Variants in SNED1 observed in about 807,000 individuals in gnomAD.
SNED1 encodes sushi, nidogen and EGF like domains 1.
A neutral mutation model predicts 166.7 loss-of-function variants in SNED1; 81 were observed. That is an observed-to-expected ratio of 0.49 (90% CI 0.41 to 0.58). The LOEUF is 0.58. Ranked by LOEUF, SNED1 falls within the 20% of genes least tolerant of loss-of-function variation. SNED1 has a pLI of 0.00. For synonymous variants in SNED1, 762 were observed against 822.0 expected (o/e 0.93, Z 1.25); for missense variants, 1,604 against 2,000.2 (o/e 0.80, Z 3.78).
chr2:241,014,417 G>A (rs1361646185), intron 1 of SNED1, among the ~76,000 whole-genome samples: 3 of 152,238 alleles, frequency 2.0e-5, no homozygotes, highest in Non-Finnish European at 4.4e-5. Flanking sequence ...GATGTGCTGT[G>A]TGTGGATGCT....
chr2:241,048,796 G>C, intron 10 of SNED1, 30 bp downstream of exon 10: 1 of 1,534,166 alleles, frequency 6.5e-7, no homozygotes, highest in Non-Finnish European at 8.9e-7. Context: ...TTCCTGCCCT[G>C]TCCCTGAGCA....
At chr2:241,003,277 GC>G (rs2060129010) in intron 1 of SNED1, among the ~76,000 whole-genome samples, 1 of 152,180 alleles carries the variant, frequency 6.6e-6, no homozygotes, top group South Asian at 2.1e-4. Context: ...CCATCCTCAT[GC>G]CACCATTCTG....
chr2:240,998,153 C>T (rs927755684), upstream of SNED1, among the ~76,000 whole-genome samples: 2 of 152,264 alleles, frequency 1.3e-5, no homozygotes, highest in African/African-American at 2.4e-5. Context: ...CCGGCCCGGG[C>T]TCTTCCTCAC....
At chr2:241,000,622 G>A (rs2060050357) in intron 1 of SNED1, among the ~76,000 whole-genome samples, 1 of 152,196 alleles carries the variant, frequency 6.6e-6, no homozygotes, top group South Asian at 2.1e-4. Context: ...TATTAAAATG[G>A]TTAACCCACT....
chr2:241,048,860 C>T, intron 10 of SNED1, 94 bp downstream of exon 10: 1 of 1,242,950 alleles, frequency 8.0e-7, no homozygotes, highest in Non-Finnish European at 1.1e-6. Context: ...TAGGTCCAGA[C>T]TGTCGACCAT....
rs377131444 is a variant in SNED1 at position 241,081,679 on chromosome 2, G to A, written c.3919G>A (p.Val1307Ile). 1.3e-4 allele frequency: 212 copies of A among 1,598,072 alleles called. No individual in the cohort carries two copies. The highest frequency in any genetic ancestry group is 1.6e-4 in the Non-Finnish European group (191 of 1,172,134). ...PEHGSKDIGN[V>I]PGNCSENPCQ... Reference sequence around the variant, plus strand: ...CCTCTCGTGACCTCTGTTTCCAGACGTCCCTGGCAACTGTTCAGAAAACCC... The same window carrying A: ...CCTCTCGTGACCTCTGTTTCCAGACATCCCTGGCAACTGTTCAGAAAACCC... The change falls in exon 28 of 32, where the codon GTC (valine) becomes ATC (isoleucine). Residue 1307 changes from valine to isoleucine, a missense_variant and splice_region_variant. Around this residue, in one of 2 missense-constraint regions of SNED1, gnomAD observed 367 missense variants for 379.4 expected, o/e 0.97. Coordinates refer to ENST00000310397, the MANE Select transcript of SNED1 (RefSeq NM_001080437.3).
intron 6 of SNED1, among the ~76,000 whole-genome samples, chr2:241,037,812 G>A (rs577107759): frequency 2.6e-5 from 4 of 152,322 alleles, no homozygotes; most frequent in East Asian, 3.9e-4. Context: ...GGTCCCTGCC[G>A]CTCCCTGCGG....
intron 8 of SNED1, among the ~76,000 whole-genome samples, chr2:241,047,675 C>G (rs970970703): frequency 1.3e-5 from 2 of 152,264 alleles, no homozygotes; most frequent in Non-Finnish European, 2.9e-5. Flanking sequence ...GGATGCCTGA[C>G]CAGAAACGTT....
Position 241,064,738 on chromosome 2 carries a change from TCCA to T in SNED1, c.2600-104_2600-102del, listed in dbSNP as rs1360710019. 2.6e-6 allele frequency: 2 copies of T among 767,656 alleles called. No homozygotes were observed. The highest frequency in any genetic ancestry group is 1.9e-5 in the African/African-American group (1 of 53,744). The allele number at this position is 767,656 out of a possible 1,614,324, so 47.6% of individuals were successfully genotyped here. A position where few individuals can be genotyped will look rare whatever the true frequency, so the allele number is the denominator to read the frequency against. ...GTAGCTGTCCTGTGCCCCCCGCCCC[TCCA>T]CACCCACGCAGGAGGGACCCAGTGC... is the stretch of plus-strand genomic sequence containing the variant. On this transcript the variant is annotated intron_variant, in intron 19 of 31. Coordinates refer to ENST00000310397, the MANE Select transcript of SNED1 (RefSeq NM_001080437.3). This position sits in a 1 kb window ranked among gnomAD's most constrained non-coding sequence, Gnocchi z 7.0.
chr2:241,051,981 G>A lies in SNED1; in HGVS notation c.1853-60G>A. On this transcript the variant is annotated intron_variant, in intron 13 of 31. Transcript: ENST00000310397. This position sits in a 1 kb window ranked among gnomAD's most constrained non-coding sequence, Gnocchi z 4.7. ...TCTCATGAAGAGGCCCCAGCTCTGG[G>A]ATGTTGGGGAACGTGGGAGGGGCAG... The A allele has an allele frequency of 6.5e-7, 1 of 1,534,636 alleles. No individual in the cohort carries two copies. Among genetic ancestry groups the A allele is most frequent in the Non-Finnish European group, 9.0e-7 (1 of 1,116,032 alleles).
At position 241,088,387 on chromosome 2, in the gene SNED1, C is replaced by T; in HGVS notation, c.4228C>T (p.Leu1410=). 6.2e-7 allele frequency: 1 copy of T among 1,612,098 alleles called. No homozygotes were observed. Residue 1410 remains leucine, a synonymous_variant, in exon 31 of 32, where the codon CTG becomes TTG. Transcript: ENST00000310397. ...PNRKQSKSQT[L]EKS ...CAGGAAACAAAGTAAGAGTCAGACA[C>T]TGGAGAAATCTTAAGGTACGTCCCT... is the stretch of plus-strand genomic sequence containing the variant.
At position 241,073,219 on chromosome 2, in the gene SNED1, G is replaced by C; in HGVS notation, c.3818-47G>C. 2.1e-6 allele frequency: 3 copies of C among 1,419,524 alleles called. No individual in the cohort carries two copies. The highest frequency in any genetic ancestry group is 2.9e-6 in the Non-Finnish European group (3 of 1,029,768). The allele number at this position is 1,419,524 out of a possible 1,614,324, so 87.9% of individuals were successfully genotyped here. Reference sequence around the variant, plus strand: ...AAAAGGGTGGCCCCAGGACCATCCCGGGTGCAAAGCAGCTGCGCCGTGTGG... The same window carrying C: ...AAAAGGGTGGCCCCAGGACCATCCCCGGTGCAAAGCAGCTGCGCCGTGTGG... On this transcript the variant is annotated intron_variant, in intron 26 of 31. Coordinates refer to ENST00000310397, the MANE Select transcript of SNED1 (RefSeq NM_001080437.3). The surrounding 1 kb of genome is among the most constrained non-coding windows in gnomAD (Gnocchi z 6.6).
At chr2:241,041,583 G>T (rs2061522352) in intron 8 of SNED1, among the ~76,000 whole-genome samples, 1 of 152,148 alleles carries the variant, frequency 6.6e-6, no homozygotes, top group South Asian at 2.1e-4. Context: ...TACTCGGGAG[G>T]TTGAGGCTGG....
In SNED1 at chr2:241,068,170, G is replaced by A. The variant is rs867002874; in HGVS notation, c.3194+223G>A. On this transcript the variant is annotated intron_variant, in intron 22 of 31. Coordinates refer to ENST00000310397, the MANE Select transcript of SNED1 (RefSeq NM_001080437.3). The surrounding 1 kb of genome is among the most constrained non-coding windows in gnomAD (Gnocchi z 5.3). ...TGCCAAGAGAGGATACACCTTGGTA[G>A]TGTTTTAAAGTGTCCAAAAAGAGCA... Among the ~76,000 whole-genome samples, 1 of 152,220 alleles carries A rather than the reference G, an allele frequency of 6.6e-6. No homozygotes were observed. Among genetic ancestry groups the A allele is most frequent in the Admixed American group, 6.5e-5 (1 of 15,290 alleles).
chr2:241,040,808 A>G, intron 8 of SNED1: 1 of 475,236 alleles, frequency 2.1e-6, no homozygotes, highest in Non-Finnish European at 4.3e-6. Flanking sequence ...CTCAGCACAC[A>G]AGGGAAAGTA....
rs372326946 is a variant in SNED1 at position 241,052,104 on chromosome 2, G to T, written c.1916G>T (p.Gly639Val). 51 of 1,613,786 alleles carry T rather than the reference G, an allele frequency of 3.2e-5. No individual in the cohort carries two copies. The highest frequency in any genetic ancestry group is 4.2e-5 in the Non-Finnish European group (50 of 1,179,862). Reference sequence around the variant, plus strand: ...GGCGGCACCTGCTTCCACTACATTGGCAAATACAAGTGTGACTGTCCCCCA... The same window carrying T: ...GGCGGCACCTGCTTCCACTACATTGTCAAATACAAGTGTGACTGTCCCCCA... ...HNGGTCFHYIGKYKCDCPPGF... is the reference protein window; with the variant it reads ...HNGGTCFHYIVKYKCDCPPGF... Residue 639 changes from glycine (G) to valine (V), a missense_variant, in exon 14 of 32, where the codon GGC becomes GTC. Gly to Val is a moderately radical substitution (Grantham distance 109). Coordinates refer to ENST00000310397, the MANE Select transcript of SNED1 (RefSeq NM_001080437.3).
At chr2:241,057,391 A>ATATATG (rs1352301740) in intron 16 of SNED1, among the ~76,000 whole-genome samples, 1 of 138,768 alleles carries the variant, frequency 7.2e-6, no homozygotes, top group African/African-American at 2.9e-5. Context: ...ATATATATAT[A>ATATATG]TATATATATA....
chr2:241,071,652 G>A lies in SNED1; in HGVS notation c.3666G>A (p.Pro1222=), dbSNP rs370597255. Residue 1222 remains proline (P), a synonymous_variant, in exon 25 of 32, where the codon CCG becomes CCA. Transcript: ENST00000310397. The part of the protein sequence containing the change: ...HPRVLKNRPP[P]ARLPELRLLN... ...GGGTGCTCAAGAACAGACCGCCCCC[G>A]GCGCGCCTGCCGGAGCTGCGCCTGC... 4.8e-4 allele frequency: 753 copies of A among 1,571,940 alleles called. No individual in the cohort carries two copies. The highest frequency in any genetic ancestry group is 6.0e-4 in the Non-Finnish European group (700 of 1,166,118).
At chr2:241,008,603 C>T (rs2060293164) in intron 1 of SNED1, among the ~76,000 whole-genome samples, 3 of 152,360 alleles carry the variant, frequency 2.0e-5, no homozygotes, top group South Asian at 2.1e-4. Flanking sequence ...ACATCATCTA[C>T]GGGGACCAGC....
Sources: allele counts gnomAD v4.1 joint callset (sites outside exome capture counted in the v4.1 genomes callset), GRCh38; gene constraint gnomAD v4.1.1; regional missense constraint gnomAD v4.1.1; non-coding constraint Gnocchi (gnomAD v3.1); transcripts MANE v1.5; gene names NCBI Gene and HGNC (gene_info 2026-07-23, HGNC 2026-07-21).